The following JAK1 variants were observed in gnomAD, a reference collection of about 807,000 sequenced individuals.
The protein encoded by JAK1 is tyrosine-protein kinase JAK1.
Under a neutral mutation model 136.6 loss-of-function variants are expected in JAK1, and 16 were observed. The ratio of observed to expected loss-of-function variants is 0.12; its 90% CI spans 0.08 to 0.18. The LOEUF (loss-of-function observed/expected upper bound fraction) is 0.18. Ranked by LOEUF, JAK1 falls within the 10% of genes least tolerant of loss-of-function variation. The pLI, the probability that JAK1 is intolerant of heterozygous loss-of-function variation, is 1.00. For missense variants in JAK1, 859 were observed against 1,450.1 expected, an observed-to-expected ratio of 0.59 and a Z score of 6.62; for synonymous variants, 492 against 519.5, an observed-to-expected ratio of 0.95 and a Z score of 0.72.
chr1:64,886,176 C>A, intron 2 of JAK1, 83 bp downstream of exon 2: 2 of 851,802 alleles, frequency 2.3e-6, no homozygotes, highest in Non-Finnish European at 3.9e-6. Flanking sequence ...GCACCAATAG[C>A]CCTACAGCCT....
At chr1:64,849,528 G>A (rs1030247051) in intron 12 of JAK1, among the ~76,000 whole-genome samples, 6 of 152,188 alleles carry the variant, frequency 3.9e-5, no homozygotes, top group Non-Finnish European at 4.4e-5. Flanking sequence ...CTTTGATACC[G>A]CTTCCCCCAG....
intron 10 of JAK1, among the ~76,000 whole-genome samples, chr1:64,856,053 G>C (rs1449968032): frequency 6.6e-6 from 1 of 152,162 alleles, no homozygotes; most frequent in Non-Finnish European, 1.5e-5. Context: ...ATGGTGTATT[G>C]AAAAACTTAG....
intron 2 of JAK1, among the ~76,000 whole-genome samples, chr1:64,982,315 T>G (rs11208561): frequency 2.0e-5 from 3 of 152,022 alleles, no homozygotes; most frequent in African/African-American, 7.3e-5. Flanking sequence ...TAACGCATTA[T>G]GTGATTTGGG....
At chr1:64,913,437 T>C (rs944333461) in intron 1 of JAK1, among the ~76,000 whole-genome samples, 18 of 152,108 alleles carry the variant, frequency 1.2e-4, no homozygotes, top group African/African-American at 4.3e-4. Flanking sequence ...ACTCAATAAA[T>C]AATTTTTGTG....
chr1:65,004,034 T>G (rs1646784409), intron 2 of JAK1: 1 of 152,254 alleles, frequency 6.6e-6, no homozygotes, highest in Non-Finnish European at 1.5e-5. Flanking sequence ...CTCTGCCTCC[T>G]GGGATCAACT....
intron 1 of JAK1, among the ~76,000 whole-genome samples, chr1:64,944,259 TAATTA>T (rs1645943778): frequency 1.3e-5 from 2 of 150,132 alleles, no homozygotes; most frequent in South Asian, 4.2e-4. Context: ...AATGTACCAG[TAATTA>T]AATATCTACA....
Position 64,835,501 on chromosome 1 carries a change from G to T in JAK1, c.3264C>A (p.Phe1088Leu), listed in dbSNP as rs1170125086. 6.4e-7 allele frequency: 1 copy of T among 1,559,938 alleles called. No homozygotes were observed. Among genetic ancestry groups the T allele is most frequent in the Non-Finnish European group, 8.8e-7 (1 of 1,142,736 alleles). ...CATGGGTTGGGCCTATCATTTTCAG[G>T]AACAACTATATAAAATAAAATCAAA... ...CDSDSSPMAL[F>L]LKMIGPTHGQ... Residue 1088 changes from phenylalanine (F) to leucine (L), a missense_variant, in exon 24 of 25, where the codon TTC (phenylalanine) becomes TTA (leucine). By Grantham distance (22) the Phe-to-Leu change is conservative (BLOSUM62 0). Coordinates refer to ENST00000342505, the MANE Select transcript of JAK1 (RefSeq NM_002227.4).
At chr1:64,960,035 T>C (rs940815314) in intron 1 of JAK1, among the ~76,000 whole-genome samples, 11 of 152,184 alleles carry the variant, frequency 7.2e-5, no homozygotes, top group Admixed American at 7.2e-4. Flanking sequence ...GAGACCAGCC[T>C]GAATAACAGA....
intron 1 of JAK1, among the ~76,000 whole-genome samples, chr1:64,896,510 A>T (rs1052931017): frequency 2.0e-5 from 3 of 152,240 alleles, no homozygotes; most frequent in African/African-American, 7.2e-5. Flanking sequence ...TTATGGTAGG[A>T]TGTAAATAAC....
At chr1:64,906,789 G>C (rs2100237290) in intron 1 of JAK1, among the ~76,000 whole-genome samples, 1 of 152,256 alleles carries the variant, frequency 6.6e-6, no homozygotes, top group South Asian at 2.1e-4. Flanking sequence ...GCAAAAGCCA[G>C]GTCTTGAACC....
intron 1 of JAK1, among the ~76,000 whole-genome samples, chr1:64,902,343 T>C (rs1645119246): frequency 6.6e-6 from 1 of 152,224 alleles, no homozygotes; most frequent in South Asian, 2.1e-4. Flanking sequence ...ATCAGTCCTG[T>C]CATTTGTGCC....
chr1:65,058,598 G>T (rs953576288), intron 1 of JAK1: 2 of 481,962 alleles, frequency 4.1e-6, no homozygotes, highest in Non-Finnish European at 4.2e-6. Flanking sequence ...AGGACTAAAA[G>T]ATCACCTTCT....
chr1:64,884,657 A>G (rs1199250366), intron 2 of JAK1, among the ~76,000 whole-genome samples: 1 of 152,124 alleles, frequency 6.6e-6, no homozygotes, highest in African/African-American at 2.4e-5. Context: ...GCCTTCACTC[A>G]CACTGATTCC....
intron 1 of JAK1, among the ~76,000 whole-genome samples, chr1:65,057,310 T>C (rs1041521032): frequency 6.6e-6 from 1 of 152,234 alleles, no homozygotes; most frequent in Non-Finnish European, 1.5e-5. Context: ...TTGGCAGAGA[T>C]TGGCATTGGC....
At chr1:65,062,353 C>T (rs531899675) in intron 1 of JAK1, among the ~76,000 whole-genome samples, 6 of 152,294 alleles carry the variant, frequency 3.9e-5, no homozygotes, top group Middle Eastern at 3.4e-3. Context: ...CAGCTAACTT[C>T]GGAATGATCC....
intron 1 of JAK1, among the ~76,000 whole-genome samples, chr1:65,063,647 T>C (rs1009048686): frequency 4.0e-5 from 6 of 151,446 alleles, no homozygotes; most frequent in African/African-American, 1.5e-4. Flanking sequence ...CTACTAAAAA[T>C]ACAAAAAATC....
chr1:64,894,701 C>T (rs948897605), intron 1 of JAK1, among the ~76,000 whole-genome samples: 41 of 152,030 alleles, frequency 2.7e-4, no homozygotes, highest in African/African-American at 7.2e-4. Flanking sequence ...CGCTTGAACC[C>T]GGGAGGCAGA....
chr1:64,943,858 G>A (rs548978055), intron 1 of JAK1, among the ~76,000 whole-genome samples: 41 of 149,774 alleles, frequency 2.7e-4, no homozygotes, highest in African/African-American at 9.6e-4. Context: ...AGACAAACAC[G>A]CCAGTAATAA....
At chr1:65,000,640 CACGTATGGAAA>C (rs1646746978) in intron 2 of JAK1, among the ~76,000 whole-genome samples, 1 of 151,932 alleles carries the variant, frequency 6.6e-6, no homozygotes, top group Non-Finnish European at 1.5e-5. Flanking sequence ...GATTTAAAAA[CACGTATGGAAA>C]ATATTTTTCC....
Sources: allele counts gnomAD v4.1 joint callset (sites outside exome capture counted in the v4.1 genomes callset), GRCh38; gene constraint gnomAD v4.1.1; transcripts MANE v1.5; gene names NCBI Gene and HGNC (gene_info 2026-07-23, HGNC 2026-07-21).